SYBU: variants seen among roughly 807,000 people sequenced by gnomAD.
SYBU encodes the protein GOLSYN A protein.
A neutral mutation model predicts 35.9 loss-of-function variants in SYBU; 21 were observed. The ratio of observed to expected loss-of-function variants is 0.58; its 90% confidence interval spans 0.41 to 0.84. The LOEUF (loss-of-function observed/expected upper bound fraction) is 0.84, where lower values mean the gene tolerates loss of function less well. SYBU is among the 40% of genes least tolerant of loss of function. SYBU has a pLI of 0.00. For synonymous variants in SYBU, 319 were observed against 324.3 expected (o/e 0.98, Z 0.18); for missense variants, 768 against 848.2 (o/e 0.91, Z 1.17).
intron 2 of SYBU, among the ~76,000 whole-genome samples, chr8:109,620,700 T>C (rs1812314859): frequency 6.6e-6 from 1 of 152,110 alleles, no homozygotes; most frequent in African/African-American, 2.4e-5. Flanking sequence ...ATACGTTGCG[T>C]TCTTCCTGAA....
intron 2 of SYBU, among the ~76,000 whole-genome samples, chr8:109,639,783 G>C (rs918778488): frequency 6.6e-6 from 1 of 152,270 alleles, no homozygotes; most frequent in Admixed American, 6.5e-5. Flanking sequence ...ATTTCCCCCT[G>C]CTGGTTGGAC....
rs1431259658 is a variant in SYBU, at chr8:109,667,324, G to C, written c.-129+13387C>G. ...GTAGAGACGGGGTTTCACAGTGTTA[G>C]CCAGGATGGTCTCGATCTCCTCGTG... On this transcript the variant is annotated intron_variant, in intron 1 of 5. Coordinates refer to the SYBU transcript ENST00000408889. Among the ~76,000 whole-genome samples the C allele has an allele frequency of 2.6e-5, 4 of 152,078 alleles. No individual in the cohort carries two copies. In the South Asian group the frequency reaches 8.3e-4, roughly 32 times the overall value.
chr8:109,579,723 T>C (rs1486095242), intron 5 of SYBU, 76 bp downstream of exon 5: 1 of 1,362,646 alleles, frequency 7.3e-7, no homozygotes, highest in East Asian at 2.3e-5. Flanking sequence ...TTGTATAACT[T>C]TTTTTTTTCT....
chr8:109,653,300 C>T (rs181592257), intron 1 of SYBU, among the ~76,000 whole-genome samples: 1 of 152,170 alleles, frequency 6.6e-6, no homozygotes, highest in Non-Finnish European at 1.5e-5. Flanking sequence ...CTATCCCAAT[C>T]TACCTGATTA....
intron 4 of SYBU, among the ~76,000 whole-genome samples, chr8:109,585,555 C>T (rs1485241002): frequency 2.0e-5 from 3 of 152,180 alleles, no homozygotes; most frequent in African/African-American, 7.2e-5. Flanking sequence ...GGGTGGCCAC[C>T]ATGCCTATGA....
intron 2 of SYBU, among the ~76,000 whole-genome samples, chr8:109,636,270 A>T (rs1237577368): frequency 6.6e-6 from 1 of 152,220 alleles, no homozygotes; most frequent in Non-Finnish European, 1.5e-5. Flanking sequence ...GTGAGAAGCC[A>T]ATGCAAATAA....
intron 2 of SYBU, among the ~76,000 whole-genome samples, chr8:109,621,198 C>T (rs1204888467): frequency 6.6e-6 from 1 of 152,140 alleles, no homozygotes; most frequent in Non-Finnish European, 1.5e-5. Flanking sequence ...CAAAATCATA[C>T]CTTGGGTTCT....
intron 4 of SYBU, among the ~76,000 whole-genome samples, chr8:109,581,855 T>C (rs1289584869): frequency 1.3e-5 from 2 of 152,172 alleles, no homozygotes; most frequent in Non-Finnish European, 2.9e-5. Context: ...GTTAAAGTTA[T>C]TTCCTTTTGA....
intron 3 of SYBU, among the ~76,000 whole-genome samples, chr8:109,618,283 G>A (rs11985471): frequency 0.093 from 14,187 of 152,220 alleles, 796 homozygotes; most frequent in South Asian, 0.23. Context: ...TCACTGCAGT[G>A]ATGACCTCCA....
chr8:109,597,236 A>C (rs1824982798), intron 3 of SYBU, among the ~76,000 whole-genome samples: 1 of 152,216 alleles, frequency 6.6e-6, no homozygotes, highest in Admixed American at 6.5e-5. Context: ...TCGAGGGAGA[A>C]ACCTCTTGTC....
chr8:109,681,888 A>C (rs185478004), upstream of SYBU, among the ~76,000 whole-genome samples: 95 of 152,236 alleles, frequency 6.2e-4, 1 homozygote, highest in Middle Eastern at 6.8e-3. Flanking sequence ...TGTTCTTGTG[A>C]TAGTGAGTGA....
At chr8:109,622,861 C>T (rs1812584526) in intron 2 of SYBU, among the ~76,000 whole-genome samples, 1 of 152,154 alleles carries the variant, frequency 6.6e-6, no homozygotes. Flanking sequence ...AATGTGCCCC[C>T]AAAGTGTGGG....
upstream of SYBU, chr8:109,644,864 T>A (rs1815444238): frequency 1.8e-6 from 1 of 551,382 alleles, no homozygotes; most frequent in South Asian, 2.4e-5. Flanking sequence ...GCCGGACACG[T>A]GGTGCCGCAC....
intron 2 of SYBU, among the ~76,000 whole-genome samples, chr8:109,625,359 G>T (rs1416877114): frequency 1.3e-5 from 2 of 152,084 alleles, no homozygotes; most frequent in Non-Finnish European, 2.9e-5. Flanking sequence ...TATTTTATTT[G>T]ATTTCTTGAA....
At position 109,586,144 on chromosome 8, in the gene SYBU, C is replaced by G; in HGVS notation, c.446G>C (p.Ser149Thr). The G allele has an allele frequency of 6.2e-7, 1 of 1,608,046 alleles. No individual in the cohort carries two copies. The highest frequency in any genetic ancestry group is 1.3e-5 in the African/African-American group (1 of 74,942). Residue 149 changes from serine to threonine, a missense_variant, in exon 4 of 7, where the codon AGC (serine) becomes ACC (threonine). By Grantham distance (58) the Ser-to-Thr change is moderately conservative. Coordinates refer to ENST00000276646, the MANE Select transcript of SYBU (RefSeq NM_001099754.2). The stretch of plus-strand genomic sequence containing the variant: ...AATGCTGCCTGTGCTGCTCGAGGAG[C>G]TAAAATCAGCTTCACTACCTGAAAA... ...LVKPGSEADF[S>T]SSSSTGSISA...
chr8:109,639,479 C>A (rs1563752471), intron 2 of SYBU, among the ~76,000 whole-genome samples: 2 of 152,166 alleles, frequency 1.3e-5, no homozygotes, highest in Non-Finnish European at 2.9e-5. Flanking sequence ...TGAGGTGACA[C>A]CTTCCTCTAT....
upstream of SYBU, among the ~76,000 whole-genome samples, chr8:109,684,753 C>T (rs1817481480): frequency 6.6e-6 from 1 of 152,168 alleles, no homozygotes; most frequent in African/African-American, 2.4e-5. Context: ...GTAGAGAGGA[C>T]TATCTATTCT....
chr8:109,599,550 T>G (rs1421955851), intron 3 of SYBU, among the ~76,000 whole-genome samples: 2 of 152,206 alleles, frequency 1.3e-5, no homozygotes, highest in Non-Finnish European at 2.9e-5. Flanking sequence ...CAACAAATGC[T>G]TCTTGTTTTC....
At chr8:109,678,321 T>TAAGA (rs750780076) in intron 1 of SYBU, among the ~76,000 whole-genome samples, 32 of 151,882 alleles carry the variant, frequency 2.1e-4, no homozygotes, top group Non-Finnish European at 4.4e-4. Flanking sequence ...TCCCATAACT[T>TAAGA]AAGATTGTTA....
Sources: gnomAD v4.1 joint callset for allele counts (sites outside exome capture counted in the v4.1 genomes callset) on GRCh38, gnomAD v4.1.1 for gene constraint, MANE v1.5 for transcripts, NCBI Gene and HGNC (gene_info 2026-07-23, HGNC 2026-07-21) for gene names.